Variants in DNAJC12 observed in about 807,000 individuals in gnomAD.
DNAJC12 encodes the protein DnaJ heat shock protein family (Hsp40) member C12.
A neutral mutation model predicts 28.5 loss-of-function variants in DNAJC12; 25 were observed. The ratio of observed to expected loss-of-function variants is 0.88; its 90% CI spans 0.64 to 1.22. DNAJC12 has a LOEUF of 1.22. DNAJC12 is among the 50% of genes most tolerant of loss of function. The pLI is 0.00. For missense variants in DNAJC12, 222 were observed against 231.7 expected (o/e 0.96, Z 0.27); for synonymous variants, 77 against 80.6 (o/e 0.95, Z 0.24).
intron 2 of DNAJC12, among the ~76,000 whole-genome samples, chr10:67,815,380 T>C (rs1328695344): frequency 6.6e-6 from 1 of 151,696 alleles, no homozygotes; most frequent in Non-Finnish European, 1.5e-5. Context: ...TGGTGGTGCA[T>C]GCCTGTAATC....
At position 67,837,999 on chromosome 10, in the gene DNAJC12, G is replaced by T. The variant is rs1410520509; in HGVS notation, c.13C>A (p.Leu5Met). 3 of 1,606,576 alleles carry T rather than the reference G, an allele frequency of 1.9e-6. No individual in the cohort carries two copies. The African/African-American group carries it at 4.0e-5, about 22-fold the overall frequency. The part of the protein sequence containing the change: MDAI[L>M]NYRSEDTEDY... Reference sequence around the variant, plus strand: ...TCAGTATCTTCTGACCTGTAATTCAGTATTGCATCCATTTAGATGACTTAA... The same window carrying T: ...TCAGTATCTTCTGACCTGTAATTCATTATTGCATCCATTTAGATGACTTAA... Residue 5 changes from leucine to methionine, a missense_variant, in exon 1 of 5, where the codon CTG becomes ATG. Transcript: ENST00000225171.
At chr10:67,823,177 C>G in intron 2 of DNAJC12, 137 bp downstream of exon 2, 1 of 680,138 alleles carries the variant, frequency 1.5e-6, no homozygotes, top group Non-Finnish European at 2.5e-6. Flanking sequence ...CCCTTTCTAT[C>G]ATCCAATAGT....
chr10:67,806,666 A>C (rs1374671695), intron 3 of DNAJC12, among the ~76,000 whole-genome samples: 5 of 152,128 alleles, frequency 3.3e-5, no homozygotes, highest in Admixed American at 3.3e-4. Flanking sequence ...CTCTACTAAA[A>C]ATACAAAAAT....
intron 4 of DNAJC12, among the ~76,000 whole-genome samples, chr10:67,799,744 G>A (rs556025081): frequency 5.3e-5 from 8 of 152,176 alleles, no homozygotes; most frequent in South Asian, 2.1e-4. Context: ...TTCGCTGGGC[G>A]TGGTAGCACA....
intron 4 of DNAJC12, among the ~76,000 whole-genome samples, chr10:67,798,476 T>C (rs1841702694): frequency 6.6e-6 from 1 of 151,756 alleles, no homozygotes; most frequent in Non-Finnish European, 1.5e-5. Context: ...GCTCAGGAGT[T>C]CGAGACCAGC....
intron 3 of DNAJC12, among the ~76,000 whole-genome samples, chr10:67,809,857 G>A (rs75022908): frequency 0.019 from 2,857 of 152,122 alleles, 96 homozygotes; most frequent in African/African-American, 0.065. Flanking sequence ...AGGCTGGGAC[G>A]GAGAGTGAAG....
At chr10:67,823,231 G>A (rs150838265) in intron 2 of DNAJC12, 83 bp downstream of exon 2, 7 of 1,141,616 alleles carry the variant, frequency 6.1e-6, no homozygotes, top group Non-Finnish European at 7.8e-6. Context: ...AGAGAAAATT[G>A]AGAAAATTAA....
At chr10:67,826,698 ATT>A (rs1491575131) in intron 1 of DNAJC12, among the ~76,000 whole-genome samples, 1 of 126,344 alleles carries the variant, frequency 7.9e-6, no homozygotes, top group African/African-American at 3.0e-5. Context: ...AATGATATAT[ATT>A]ATATATATCA....
chr10:67,816,122 T>C (rs1841913548), intron 2 of DNAJC12: 1 of 398,368 alleles, frequency 2.5e-6, no homozygotes, highest in Non-Finnish European at 4.4e-6. Flanking sequence ...CTGATTTAAC[T>C]CCTGGGTCTA....
intron 2 of DNAJC12, among the ~76,000 whole-genome samples, chr10:67,815,592 C>G (rs1048185570): frequency 6.6e-6 from 1 of 151,246 alleles, no homozygotes; most frequent in Non-Finnish European, 1.5e-5. Context: ...ATAAAAGTAT[C>G]TTGCCATAGC....
In DNAJC12 at chr10:67,826,778, A is replaced by AAT. The variant is rs1193601236; in HGVS notation, c.79-3388_79-3387dup. ...ATATATCTGATATCTAATGATATAT[A>AAT]ATATATATCATTAGATATCAGATAT... On this transcript the variant is annotated intron_variant, in intron 1 of 4. Transcript: ENST00000225171. 1.3e-3 allele frequency among the ~76,000 whole-genome samples: 165 copies of AAT among 122,636 alleles called. 4 individuals are homozygous for AAT. The highest frequency in any genetic ancestry group is 9.2e-3 in the East Asian group (41 of 4,470). 80.5% of individuals were successfully genotyped at this position (122,636 alleles called of 152,430 possible). A position where few individuals can be genotyped will look rare whatever the true frequency, so the allele number is the denominator to read the frequency against.
In DNAJC12 at chr10:67,826,891, T is replaced by C. The variant is rs897188757; in HGVS notation, c.79-3499A>G. 2.8e-5 allele frequency among the ~76,000 whole-genome samples: 4 copies of C among 140,448 alleles called. No individual in the cohort carries two copies. The East Asian group carries it at 8.1e-4, about 28-fold the overall frequency. The allele number at this position is 140,448 out of a possible 152,430, so 92.1% of individuals were successfully genotyped here. Reference sequence around the variant, plus strand: ...TATCTATTATATATGTCTAATGATATCTATTATATGTCATTATATATGATA... The same window carrying C: ...TATCTATTATATATGTCTAATGATACCTATTATATGTCATTATATATGATA... On this transcript the variant is annotated intron_variant, in intron 1 of 4. Coordinates refer to ENST00000225171, the MANE Select transcript of DNAJC12 (RefSeq NM_021800.3).
chr10:67,823,230 T>C, intron 2 of DNAJC12, 84 bp downstream of exon 2: 1 of 1,124,390 alleles, frequency 8.9e-7, no homozygotes, highest in Non-Finnish European at 1.3e-6. Context: ...AAGAGAAAAT[T>C]GAGAAAATTA....
chr10:67,805,943 CAGATATTAATTA>C (rs1841796271), intron 3 of DNAJC12, among the ~76,000 whole-genome samples, 156 bp from the exon 4 acceptor site: 2 of 152,108 alleles, frequency 1.3e-5, no homozygotes, highest in Non-Finnish European at 2.9e-5. Flanking sequence ...TAAATTAATC[CAGATATTAATTA>C]ATCCAACTAT....
At chr10:67,812,817 A>T (rs1841874421) in intron 2 of DNAJC12, among the ~76,000 whole-genome samples, 1 of 149,606 alleles carries the variant, frequency 6.7e-6, no homozygotes, top group Non-Finnish European at 1.5e-5. Context: ...GTGCCACTGG[A>T]CTCCAGCCTG....
intron 1 of DNAJC12, 108 bp from the exon 2 acceptor site, chr10:67,823,500 A>G (rs1415338761): frequency 1.2e-6 from 1 of 829,558 alleles, no homozygotes; most frequent in Non-Finnish European, 2.0e-6. Flanking sequence ...ACCAGGAATA[A>G]GACCAGCCTG....
chr10:67,797,845 C>T (rs569166774), intron 4 of DNAJC12, among the ~76,000 whole-genome samples: 9 of 152,010 alleles, frequency 5.9e-5, no homozygotes, highest in South Asian at 2.1e-4. Flanking sequence ...TCAAGACCAT[C>T]CTGGCTAACA....
chr10:67,803,350 GCT>G (rs1841767169), intron 4 of DNAJC12, among the ~76,000 whole-genome samples: 1 of 152,096 alleles, frequency 6.6e-6, no homozygotes, highest in South Asian at 2.1e-4. Context: ...TACTTTTAAA[GCT>G]CTCATAAGTG....
intron 4 of DNAJC12, among the ~76,000 whole-genome samples, chr10:67,797,977 T>C (rs10997812): frequency 0.14 from 21,045 of 149,430 alleles, 1,767 homozygotes; most frequent in African/African-American, 0.23. Context: ...CATGCGGAGG[T>C]TGCAGTGAGC....
Sources: gnomAD v4.1 joint callset for allele counts (sites outside exome capture counted in the v4.1 genomes callset) on GRCh38, gnomAD v4.1.1 for gene constraint, MANE v1.5 for transcripts, NCBI Gene and HGNC (gene_info 2026-07-23, HGNC 2026-07-21) for gene names.